Variants in GRID1 observed in about 807,000 individuals in gnomAD.
GRID1 encodes glutamate ionotropic receptor delta type subunit 1, also known as glutamate receptor ionotropic, delta-1.
In GRID1, 28 loss-of-function variants were observed where a neutral mutation model predicts 98.0. The observed-to-expected ratio is 0.29, with a 90% CI of 0.21 to 0.39. The LOEUF (loss-of-function observed/expected upper bound fraction) is 0.39, where lower values mean the gene tolerates loss of function less well. Among genes scored for constraint, GRID1 ranks in the 10% least tolerant of loss-of-function variants. GRID1 has a pLI of 1.00. For synonymous variants in GRID1, 553 were observed against 538.5 expected (o/e 1.03, Z -0.37); for missense variants, 1,111 against 1,340.5 (o/e 0.83, Z 2.67).
At chr10:86,141,440 G>A (rs1220599764) in intron 3 of GRID1, among the ~76,000 whole-genome samples, 1 of 152,184 alleles carries the variant, frequency 6.6e-6, no homozygotes, top group Non-Finnish European at 1.5e-5. Context: ...ACTGGTATCA[G>A]CCCCAGTCCT....
At chr10:85,742,276 T>C (rs1267031533) in intron 8 of GRID1, among the ~76,000 whole-genome samples, 1 of 152,102 alleles carries the variant, frequency 6.6e-6, no homozygotes, top group Admixed American at 6.5e-5. Flanking sequence ...TACCATACAG[T>C]AAATATTTTA....
chr10:86,070,231 G>A (rs1329104443), intron 4 of GRID1, among the ~76,000 whole-genome samples: 3 of 152,166 alleles, frequency 2.0e-5, no homozygotes, highest in Admixed American at 6.5e-5. Flanking sequence ...CTAACCAGAG[G>A]AGTAACAGCC....
intron 12 of GRID1, among the ~76,000 whole-genome samples, chr10:85,682,845 C>T (rs889893078): frequency 6.6e-6 from 1 of 152,196 alleles, no homozygotes; most frequent in Non-Finnish European, 1.5e-5. Context: ...GAATCACAAG[C>T]CTGCCTGTTG....
At chr10:86,094,187 G>A (rs1267285451) in intron 4 of GRID1, among the ~76,000 whole-genome samples, 2 of 152,052 alleles carry the variant, frequency 1.3e-5, no homozygotes, top group Non-Finnish European at 2.9e-5. Context: ...AGCATACAAG[G>A]GACATACCTT....
At chr10:85,847,534 A>C (rs1035124694) in intron 8 of GRID1, among the ~76,000 whole-genome samples, 1 of 152,242 alleles carries the variant, frequency 6.6e-6, no homozygotes, top group Non-Finnish European at 1.5e-5. Context: ...ATTTCTAAAA[A>C]TCAATGAGGA....
At chr10:86,029,937 T>C (rs1339170362) in intron 4 of GRID1, among the ~76,000 whole-genome samples, 1 of 152,234 alleles carries the variant, frequency 6.6e-6, no homozygotes, top group Non-Finnish European at 1.5e-5. Flanking sequence ...TAATCTACTA[T>C]GTTACCCTTG....
At chr10:85,660,411 G>T (rs1404868735) in intron 12 of GRID1, among the ~76,000 whole-genome samples, 3 of 152,202 alleles carry the variant, frequency 2.0e-5, no homozygotes, top group African/African-American at 7.2e-5. Flanking sequence ...ACCATGGAAA[G>T]GTTGTTGGAA....
chr10:85,792,323 T>C (rs1467026421), intron 8 of GRID1, among the ~76,000 whole-genome samples: 1 of 152,164 alleles, frequency 6.6e-6, no homozygotes, highest in African/African-American at 2.4e-5. Context: ...GTTGTCCCCA[T>C]CTCTGGATGA....
chr10:85,906,184 G>T (rs1841458060), intron 5 of GRID1, among the ~76,000 whole-genome samples: 1 of 151,968 alleles, frequency 6.6e-6, no homozygotes, highest in Admixed American at 6.6e-5. Context: ...ATGATAGAGG[G>T]TTAATAAATC....
At chr10:86,083,988 T>G (rs1239301212) in intron 4 of GRID1, among the ~76,000 whole-genome samples, 1 of 152,100 alleles carries the variant, frequency 6.6e-6, no homozygotes, top group Non-Finnish European at 1.5e-5. Flanking sequence ...GCATCCGGAG[T>G]CCCTGCTGGA....
chr10:85,847,052 T>C (rs1843013139), intron 8 of GRID1, among the ~76,000 whole-genome samples: 1 of 152,194 alleles, frequency 6.6e-6, no homozygotes, highest in Non-Finnish European at 1.5e-5. Context: ...AGAGAAATTC[T>C]GCCAATGTTA....
intron 4 of GRID1, among the ~76,000 whole-genome samples, chr10:86,040,530 A>AAAT (rs1369377773): frequency 1.3e-5 from 2 of 151,052 alleles, no homozygotes; most frequent in Non-Finnish European, 3.0e-5. Flanking sequence ...AAAAAAAAAA[A>AAAT]GCCCATCTCA....
chr10:85,622,502 A>G (rs1842869464), intron 13 of GRID1, among the ~76,000 whole-genome samples: 1 of 151,964 alleles, frequency 6.6e-6, no homozygotes, highest in African/African-American at 2.4e-5. Flanking sequence ...CAGCATCTTG[A>G]GTTGCTGGGA....
chr10:86,084,947 C>T (rs962177075), intron 4 of GRID1, among the ~76,000 whole-genome samples: 9 of 152,072 alleles, frequency 5.9e-5, no homozygotes, highest in Non-Finnish European at 5.9e-5. Flanking sequence ...GTTCTGGAAA[C>T]GGATGGTGGT....
At chr10:85,966,294 T>C (rs1051056707) in intron 4 of GRID1, among the ~76,000 whole-genome samples, 12 of 152,262 alleles carry the variant, frequency 7.9e-5, no homozygotes, top group African/African-American at 2.6e-4. Context: ...AAGATGCCCA[T>C]AGGGACATTG....
At chr10:85,756,321 C>CT (rs1254578944) in intron 8 of GRID1, among the ~76,000 whole-genome samples, 1 of 152,158 alleles carries the variant, frequency 6.6e-6, no homozygotes, top group Non-Finnish European at 1.5e-5. Context: ...CAGCATACAA[C>CT]TTTTTTCTTT....
chr10:85,656,756 C>G (rs1361440346), intron 12 of GRID1, among the ~76,000 whole-genome samples: 1 of 152,194 alleles, frequency 6.6e-6, no homozygotes, highest in Non-Finnish European at 1.5e-5. Flanking sequence ...CAAGATACAT[C>G]TAGAATCAGA....
intron 2 of GRID1, among the ~76,000 whole-genome samples, chr10:86,262,548 T>C (rs549264517): frequency 6.6e-6 from 1 of 152,284 alleles, no homozygotes; most frequent in Non-Finnish European, 1.5e-5. Context: ...GGAGGGCGCC[T>C]TCTGGAGGAA....
At chr10:85,926,486 C>G (rs996478134) in intron 4 of GRID1, among the ~76,000 whole-genome samples, 4 of 152,260 alleles carry the variant, frequency 2.6e-5, no homozygotes, top group African/African-American at 7.2e-5. Context: ...GGTCCCAGAC[C>G]TGGGAATGGC....
Sources: allele counts gnomAD v4.1 joint callset (sites outside exome capture counted in the v4.1 genomes callset), GRCh38; gene constraint gnomAD v4.1.1; transcripts MANE v1.5; gene names NCBI Gene and HGNC (gene_info 2026-07-23, HGNC 2026-07-21).